The following GTF2H2 variants were observed in gnomAD, a reference collection of about 807,000 sequenced individuals.
The protein encoded by GTF2H2 is general transcription factor IIH subunit 2.
GTF2H2 carries 2 observed loss-of-function variants against 16.5 expected under a neutral mutation model. The ratio of observed to expected loss-of-function variants is 0.12; its 90% CI spans 0.05 to 0.38. GTF2H2 has a LOEUF of 0.38. Among genes scored for constraint, GTF2H2 ranks in the 10% least tolerant of loss-of-function variants. The probability of loss-of-function intolerance (pLI) is 0.99; values close to 1 mark genes in which losing one functional copy is unlikely to be tolerated. For missense variants in GTF2H2, 20 were observed against 137.0 expected, an observed-to-expected ratio of 0.15 and a Z score of 4.26; for synonymous variants, 8 against 44.1, an observed-to-expected ratio of 0.18 and a Z score of 3.24.
intron 12 of GTF2H2, among the ~76,000 whole-genome samples, chr5:71,043,990 T>C (rs1165581854): frequency 3.2e-5 from 3 of 94,272 alleles, no homozygotes; most frequent in Non-Finnish European, 6.1e-5. Flanking sequence ...TTCTGAAATA[T>C]ACTTCATTAA....
At chr5:71,051,226 C>T (rs1392705817) in intron 8 of GTF2H2, among the ~76,000 whole-genome samples, 12 of 93,512 alleles carry the variant, frequency 1.3e-4, no homozygotes, top group Non-Finnish European at 2.4e-4. Flanking sequence ...ATGTACTTTG[C>T]TCAGATCCAT....
chr5:71,035,970 T>C (rs1751720457), intron 15 of GTF2H2, among the ~76,000 whole-genome samples, 174 bp from the exon 16 acceptor site: 1 of 43,660 alleles, frequency 2.3e-5, no homozygotes, highest in Non-Finnish European at 3.9e-5. Context: ...ATTAATTTTT[T>C]CCCCAAAACT....
chr5:71,061,614 A>C (rs1753641681), intron 3 of GTF2H2, 74 bp downstream of exon 3: 2 of 241,696 alleles, frequency 8.3e-6, no homozygotes, highest in Non-Finnish European at 1.5e-5. Context: ...TGAAGTACTG[A>C]GGAGTATTTA....
At chr5:71,054,741 GTGTGTGTGTGTATA>G (rs1753058688) in intron 8 of GTF2H2, among the ~76,000 whole-genome samples, 1 of 134,384 alleles carries the variant, frequency 7.4e-6, no homozygotes, top group Non-Finnish European at 1.6e-5. Context: ...GTGTGTGTGT[GTGTGTGTGTGTATA>G]TATATAATAG....
chr5:71,054,712 CGTGTGTGTGTGT>C lies in GTF2H2; in HGVS notation c.470+628_470+639del, dbSNP rs750011504. 1.1e-3 allele frequency among the ~76,000 whole-genome samples: 120 copies of C among 105,290 alleles called. 7 individuals carry two copies. The highest frequency in any genetic ancestry group is 4.5e-3 in the African/African-American group (116 of 25,586). 69.1% of individuals were successfully genotyped at this position (105,290 alleles called of 152,430 possible). ...TGTCTCGAAAAAAAATATATATATACGTGTGTGTGTGTGTGTGTGTGTGTGTGTGTGTGTGTG... is the reference window on the plus strand; with the variant it reads ...TGTCTCGAAAAAAAATATATATATACGTGTGTGTGTGTGTGTGTGTGTGTG... On this transcript the variant is annotated intron_variant, in intron 8 of 15. Coordinates refer to ENST00000274400, the Ensembl canonical transcript of GTF2H2.
At chr5:71,052,094 T>C (rs1167443957) in intron 8 of GTF2H2, among the ~76,000 whole-genome samples, 2 of 142,070 alleles carry the variant, frequency 1.4e-5, no homozygotes, top group African/African-American at 2.7e-5. Flanking sequence ...GTCACCTTCA[T>C]CAATTATTTT....
chr5:71,058,557 TCA>T (rs1366443241), intron 7 of GTF2H2: 2 of 137,508 alleles, frequency 1.5e-5, no homozygotes, highest in Admixed American at 1.5e-4. Context: ...AGAAAATCTA[TCA>T]GAGAATGAAG....
At chr5:71,053,030 A>G (rs1213377223) in intron 8 of GTF2H2, among the ~76,000 whole-genome samples, 2 of 103,910 alleles carry the variant, frequency 1.9e-5, no homozygotes, top group Non-Finnish European at 3.7e-5. Context: ...TAGCCTCCCA[A>G]AGTGTTGCAG....
At chr5:71,052,479 TTA>T (rs1176567803) in intron 8 of GTF2H2, among the ~76,000 whole-genome samples, 1 of 72,912 alleles carries the variant, frequency 1.4e-5, no homozygotes, top group Non-Finnish European at 2.7e-5. Flanking sequence ...TCTTACACTT[TTA>T]TGTTTTGGAG....
In GTF2H2 at chr5:71,036,334, A is replaced by G. The variant is rs569211344; in HGVS notation, c.1069-538T>C. Among the ~76,000 whole-genome samples, 43 of 89,534 alleles carry G rather than the reference A, an allele frequency of 4.8e-4. 11 individuals are homozygous for G. Among genetic ancestry groups the G allele is most frequent in the Non-Finnish European group, 8.6e-4 (36 of 41,720 alleles). 58.7% of individuals were successfully genotyped at this position (89,534 alleles called of 152,430 possible). ...ATACGAGTACTTGCGCCTTGGGATAAAATTTCCAGGGCAGCTTCACACACA... is the reference window on the plus strand; with the variant it reads ...ATACGAGTACTTGCGCCTTGGGATAGAATTTCCAGGGCAGCTTCACACACA... On this transcript the variant is annotated intron_variant, in intron 15 of 15. Transcript: ENST00000274400.
chr5:71,052,111 ATCT>A (rs1232828550), intron 8 of GTF2H2, among the ~76,000 whole-genome samples: 1 of 142,112 alleles, frequency 7.0e-6, no homozygotes, highest in Non-Finnish European at 1.5e-5. Context: ...TTTTAGCTAG[ATCT>A]TCTGGATAAC....
intron 14 of GTF2H2, among the ~76,000 whole-genome samples, chr5:71,037,974 CA>C (rs1164937065): frequency 0.068 from 575 of 8,422 alleles, 4 homozygotes; most frequent in African/African-American, 0.17. Context: ...CTCTGACTCA[CA>C]AAAAAAAAAA....
At chr5:71,050,875 C>A (rs998808827) in intron 8 of GTF2H2, among the ~76,000 whole-genome samples, 2 of 83,690 alleles carry the variant, frequency 2.4e-5, no homozygotes, top group African/African-American at 1.1e-4. Context: ...GAGACTGATT[C>A]TTGCTCTGAC....
chr5:71,058,217 A>AG (rs1189107645), intron 7 of GTF2H2: 2 of 143,082 alleles, frequency 1.4e-5, no homozygotes, highest in African/African-American at 5.3e-5. Flanking sequence ...AAAAAAAAAA[A>AG]AGAAGTAATA....
rs1483377026 is a variant in GTF2H2 at position 71,038,162 on chromosome 5, C to G, written c.1029-616G>C. Reference sequence around the variant, plus strand: ...TCTCAAAGGCTGGAGTGCTGAGGTGCTATCACGGCTCACTGCAGCCTCAAC... The same window carrying G: ...TCTCAAAGGCTGGAGTGCTGAGGTGGTATCACGGCTCACTGCAGCCTCAAC... On this transcript the variant is annotated intron_variant, in intron 14 of 15. Coordinates refer to ENST00000274400, the Ensembl canonical transcript of GTF2H2. Among the ~76,000 whole-genome samples, 26 of 81,960 alleles carry G rather than the reference C, an allele frequency of 3.2e-4. 8 individuals are homozygous for G. Among genetic ancestry groups the G allele is most frequent in the African/African-American group, 1.1e-3 (26 of 23,342 alleles). 53.8% of individuals were successfully genotyped at this position (81,960 alleles called of 152,430 possible).
chr5:71,054,832 T>A (rs1753075513), intron 8 of GTF2H2, among the ~76,000 whole-genome samples: 2 of 136,148 alleles, frequency 1.5e-5, no homozygotes, highest in Admixed American at 1.5e-4. Flanking sequence ...ATATGTATAA[T>A]AAATTATATA....
In GTF2H2 at chr5:71,054,649, C is replaced by T. The variant is rs561313090; in HGVS notation, c.470+703G>A. Reference sequence around the variant, plus strand: ...TGGAGGTTGTAGTGAGCTGAGATCACGCCACTGCATGCCAGCCTGGGTGAC... The same window carrying T: ...TGGAGGTTGTAGTGAGCTGAGATCATGCCACTGCATGCCAGCCTGGGTGAC... On this transcript the variant is annotated intron_variant, in intron 8 of 15. Transcript: ENST00000274400. Among the ~76,000 whole-genome samples, 6 of 140,152 alleles carry T rather than the reference C, an allele frequency of 4.3e-5. 2 individuals are homozygous for T. The highest frequency in any genetic ancestry group is 6.2e-5 in the Non-Finnish European group (4 of 64,752). The allele number at this position is 140,152 out of a possible 152,430, so 91.9% of individuals were successfully genotyped here.
chr5:71,054,131 AT>A (rs1389633154), intron 8 of GTF2H2, among the ~76,000 whole-genome samples: 4 of 144,094 alleles, frequency 2.8e-5, no homozygotes, highest in African/African-American at 1.1e-4. Context: ...CAGAGTCATA[AT>A]AATCATGAAC....
chr5:71,061,399 TTTC>T (rs1424969889), intron 3 of GTF2H2, 91 bp from the exon 4 acceptor site: 2 of 1,104,738 alleles, frequency 1.8e-6, no homozygotes, highest in African/African-American at 1.6e-5. Flanking sequence ...CTCCTTTGTT[TTTC>T]TTTTTTTCTA....
Sources: gnomAD v4.1 joint callset for allele counts (sites outside exome capture counted in the v4.1 genomes callset) on GRCh38, gnomAD v4.1.1 for gene constraint, MANE v1.5 for transcripts, NCBI Gene and HGNC (gene_info 2026-07-23, HGNC 2026-07-21) for gene names.